XXYLT1: variants seen among roughly 807,000 people sequenced by gnomAD.
The protein encoded by XXYLT1 is UDP-xylose:alpha-xyloside alpha-1,3-xylosyltransferase.
A neutral mutation model predicts 28.9 loss-of-function variants in XXYLT1; 20 were observed. The ratio of observed to expected loss-of-function variants is 0.69; its 90% confidence interval spans 0.49 to 1.00. The LOEUF (loss-of-function observed/expected upper bound fraction) is 1.00. Ranked by LOEUF, XXYLT1 falls within the 50% of genes least tolerant of loss-of-function variation. The probability of loss-of-function intolerance (pLI) is 0.00; values close to 1 mark genes in which losing one functional copy is unlikely to be tolerated. For synonymous variants in XXYLT1, 257 were observed against 253.8 expected, an observed-to-expected ratio of 1.01 and a Z score of -0.12; for missense variants, 542 against 560.1, an observed-to-expected ratio of 0.97 and a Z score of 0.33.
At position 195,270,703 on chromosome 3, in the gene XXYLT1, CG is replaced by C; in HGVS notation, c.355del (p.Arg119AlafsTer24). On this transcript the variant is annotated frameshift_variant, in exon 1 of 4. Transcript: ENST00000310380. LOFTEE classifies it high-confidence loss of function. ...EHNAALQAKA[R>X]VALRSLLRLA... ...GCGCAGCAGTGAGCGCAGCGCGACG[CG>C]GGCCTTGGCCTGCAGCGCGGCATTG... is the stretch of plus-strand genomic sequence containing the variant. 5 of 1,590,054 alleles carry C rather than the reference CG, an allele frequency of 3.1e-6. No individual in the cohort carries two copies. Among genetic ancestry groups the C allele is most frequent in the Non-Finnish European group, 4.3e-6 (5 of 1,172,718 alleles).
intron 3 of XXYLT1, among the ~76,000 whole-genome samples, chr3:195,143,831 GATATAGATATAGATAT>G (rs1719653639): frequency 1.5e-5 from 1 of 65,704 alleles, no homozygotes; most frequent in African/African-American, 6.1e-5. Context: ...GATATATATA[GATATAGATATAGATAT>G]ATATATAGAT....
intron 2 of XXYLT1, among the ~76,000 whole-genome samples, chr3:195,220,316 G>T (rs972050920): frequency 2.0e-5 from 3 of 152,056 alleles, no homozygotes; most frequent in Non-Finnish European, 2.9e-5. Flanking sequence ...TAATTTTTTT[G>T]TATTTTTAGT....
In XXYLT1 at chr3:195,180,999, G is replaced by A. The variant is rs537004700; in HGVS notation, c.653-24418C>T. ...AGTTCAGACAAAGGGCTAAAGGGTG[G>A]TGACTCCAGGCCGTGAGAGGGAAAG... On this transcript the variant is annotated intron_variant, in intron 2 of 3. Transcript: ENST00000310380. The surrounding 1 kb of genome is among the most constrained non-coding windows in gnomAD (Gnocchi z 5.8). 4.6e-5 allele frequency among the ~76,000 whole-genome samples: 7 copies of A among 152,326 alleles called. No individual in the cohort carries two copies. The East Asian group carries it at 1.2e-3, about 25-fold the overall frequency.
rs75730733 is a variant in XXYLT1 at position 195,102,643 on chromosome 3, C to T, written c.786-32532G>A. Among the ~76,000 whole-genome samples the T allele has an allele frequency of 5.5e-3, 841 of 151,886 alleles. 7 individuals carry two copies. Among genetic ancestry groups the T allele is most frequent in the African/African-American group, 0.019 (803 of 41,322 alleles). On this transcript the variant is annotated intron_variant, in intron 3 of 3. Coordinates refer to ENST00000310380, the MANE Select transcript of XXYLT1 (RefSeq NM_152531.5). The stretch of plus-strand genomic sequence containing the variant: ...GGTATGACTCCTTCTTTTTAAAGGC[C>T]GAGTAATATTCCGTTTTGTGTGTGT...
At chr3:195,223,755 C>T (rs1048511383) in intron 2 of XXYLT1, among the ~76,000 whole-genome samples, 1 of 152,002 alleles carries the variant, frequency 6.6e-6, no homozygotes, top group East Asian at 1.9e-4. Context: ...CAGGACACAC[C>T]CCAGACGCCA....
At chr3:195,254,546 C>T (rs1401991487) in intron 1 of XXYLT1, among the ~76,000 whole-genome samples, 3 of 152,158 alleles carry the variant, frequency 2.0e-5, no homozygotes, top group Non-Finnish European at 4.4e-5. Context: ...CTTTTGTTTC[C>T]CAAGGTGAAG....
intron 2 of XXYLT1, among the ~76,000 whole-genome samples, chr3:195,193,021 C>T (rs571335511): frequency 4.6e-5 from 7 of 152,290 alleles, no homozygotes; most frequent in Middle Eastern, 6.8e-3. Context: ...CACGATGGCT[C>T]ACACCTGTAA....
chr3:195,192,427 G>GA (rs57039114), intron 2 of XXYLT1, among the ~76,000 whole-genome samples: 220 of 131,998 alleles, frequency 1.7e-3, no homozygotes, highest in South Asian at 4.7e-3. Flanking sequence ...TCTGTCTCAA[G>GA]AAAAAAAAAA....
chr3:195,196,778 G>A (rs1722642439), intron 2 of XXYLT1, among the ~76,000 whole-genome samples: 1 of 152,114 alleles, frequency 6.6e-6, no homozygotes, highest in Non-Finnish European at 1.5e-5. Flanking sequence ...AAATTAAAAT[G>A]CCAAAGTAAT....
In XXYLT1 at chr3:195,195,488, A is replaced by G. The variant is rs1722587898; in HGVS notation, c.652+31221T>C. Among the ~76,000 whole-genome samples, 1 of 152,182 alleles carries G rather than the reference A, an allele frequency of 6.6e-6. No individual in the cohort carries two copies. Among genetic ancestry groups the G allele is most frequent in the Non-Finnish European group, 1.5e-5 (1 of 68,026 alleles). Reference sequence around the variant, plus strand: ...GAAGTGGCCGCAGTTCTTCCACTGGACAGAGCCTCTTTCAGCTTTAAAAAA... The same window carrying G: ...GAAGTGGCCGCAGTTCTTCCACTGGGCAGAGCCTCTTTCAGCTTTAAAAAA... On this transcript the variant is annotated intron_variant, in intron 2 of 3. Transcript: ENST00000310380. This position sits in a 1 kb window ranked among gnomAD's most constrained non-coding sequence, Gnocchi z 4.4.
intron 1 of XXYLT1, among the ~76,000 whole-genome samples, chr3:195,268,296 T>C (rs181668090): frequency 0.018 from 2,791 of 151,974 alleles, 82 homozygotes; most frequent in East Asian, 0.13. Context: ...CCGGGCGTGG[T>C]GGCGGGCGCC....
chr3:195,200,193 G>A (rs567421771), intron 2 of XXYLT1, among the ~76,000 whole-genome samples: 1 of 152,254 alleles, frequency 6.6e-6, no homozygotes, highest in South Asian at 2.1e-4. Flanking sequence ...GAAGCAGCGC[G>A]GTTCCAGATC....
chr3:195,270,692 G>A lies in XXYLT1; in HGVS notation c.367C>T (p.Arg123Cys). 1 of 1,588,130 alleles carries A rather than the reference G, an allele frequency of 6.3e-7. No individual in the cohort carries two copies. Among genetic ancestry groups the A allele is most frequent in the Non-Finnish European group, 8.5e-7 (1 of 1,172,124 alleles). ...AACTTGGCGAGGCGCAGCAGTGAGC[G>A]CAGCGCGACGCGGGCCTTGGCCTGC... ...ALQAKARVAL[R>C]SLLRLAKFEA... Residue 123 changes from arginine to cysteine, a missense_variant, in exon 1 of 4, where the codon CGC (arginine) becomes TGC (cysteine). Arg to Cys is a radical substitution (Grantham distance 180). Coordinates refer to ENST00000310380, the MANE Select transcript of XXYLT1 (RefSeq NM_152531.5).
At chr3:195,241,860 CAT>C (rs1464126847) in intron 1 of XXYLT1, among the ~76,000 whole-genome samples, 3 of 152,238 alleles carry the variant, frequency 2.0e-5, no homozygotes, top group African/African-American at 4.8e-5. Flanking sequence ...ACAACACACA[CAT>C]GTACCCATCA....
intron 3 of XXYLT1, among the ~76,000 whole-genome samples, chr3:195,082,213 C>T (rs1000967318): frequency 1.4e-4 from 22 of 152,160 alleles, no homozygotes; most frequent in African/African-American, 4.6e-4. Context: ...GTGGCGGGCG[C>T]GTAAGGCAAC....
intron 3 of XXYLT1, among the ~76,000 whole-genome samples, chr3:195,104,658 G>C (rs1307499407): frequency 6.6e-6 from 1 of 152,170 alleles, no homozygotes; most frequent in Non-Finnish European, 1.5e-5. Context: ...CTGAGGCCAG[G>C]GGTTCTGGAG....
Position 195,081,480 on chromosome 3 carries a change from G to A in XXYLT1, c.786-11369C>T, listed in dbSNP as rs185341323. On this transcript the variant is annotated intron_variant, in intron 3 of 3. Coordinates refer to ENST00000310380, the MANE Select transcript of XXYLT1 (RefSeq NM_152531.5). Reference sequence around the variant, plus strand: ...CACCTTCCATCGGTCTAGGGTGGAGGGAAGGCCAGGAGGCAGCAATATATC... The same window carrying A: ...CACCTTCCATCGGTCTAGGGTGGAGAGAAGGCCAGGAGGCAGCAATATATC... 8.7e-4 allele frequency among the ~76,000 whole-genome samples: 133 copies of A among 152,064 alleles called. 1 individual carries two copies. Among genetic ancestry groups the A allele is most frequent in the African/African-American group, 3.0e-3 (126 of 41,438 alleles).
chr3:195,169,246 G>T (rs1577103208), intron 2 of XXYLT1, among the ~76,000 whole-genome samples: 1 of 152,250 alleles, frequency 6.6e-6, no homozygotes, highest in Non-Finnish European at 1.5e-5. Context: ...TGAGGTTCAG[G>T]CTCCATCCCG....
intron 2 of XXYLT1, among the ~76,000 whole-genome samples, chr3:195,225,345 C>A (rs1310880912): frequency 2.0e-5 from 3 of 152,208 alleles, no homozygotes; most frequent in Non-Finnish European, 4.4e-5. Flanking sequence ...CCTGCAAAGT[C>A]CCAGCCAGAA....
Sources: gnomAD v4.1 joint callset for allele counts (sites outside exome capture counted in the v4.1 genomes callset) on GRCh38, gnomAD v4.1.1 for gene constraint, Gnocchi (gnomAD v3.1) non-coding constraint, MANE v1.5 for transcripts, NCBI Gene and HGNC (gene_info 2026-07-23, HGNC 2026-07-21) for gene names.